Variants in PCDH11X observed in about 807,000 individuals in gnomAD.
The protein encoded by PCDH11X is protocadherin-11 X-linked.
A neutral mutation model predicts 53.3 loss-of-function variants in PCDH11X; 18 were observed. The ratio of observed to expected loss-of-function variants is 0.34; its 90% CI spans 0.23 to 0.50. The LOEUF (loss-of-function observed/expected upper bound fraction) is 0.50, where lower values mean the gene tolerates loss of function less well. Among genes scored for constraint, PCDH11X ranks in the 20% least tolerant of loss-of-function variants. The pLI is 0.98. For missense variants in PCDH11X, 570 were observed against 1,032.4 expected (o/e 0.55, Z 6.14); for synonymous variants, 279 against 393.3 (o/e 0.71, Z 3.44).
intron 8 of PCDH11X, among the ~76,000 whole-genome samples, chrX:92,289,448 T>A (rs1212180757): frequency 8.9e-6 from 1 of 112,097 alleles, no homozygotes; most frequent in African/African-American, 3.2e-5. Flanking sequence ...TGTATTTTCA[T>A]GATTTAAATG....
rs767706059 is a variant in PCDH11X at position 92,546,522 on chromosome X, A to C, written c.3368-71742A>C. On this transcript the variant is annotated intron_variant, in intron 10 of 10. Coordinates refer to ENST00000682573, the MANE Select transcript of PCDH11X (RefSeq NM_032968.5). ...CTCATTTTGAGAATGGATAGCAAAA[A>C]AATTGAAATCTCATATGTTAATGCA... Among the ~76,000 whole-genome samples the C allele has an allele frequency of 1.9e-4, 21 of 110,617 alleles. 2 individuals are homozygous for C. The highest frequency in any genetic ancestry group is 6.7e-4 in the African/African-American group (20 of 29,767).
In PCDH11X at chrX:92,515,454, G is replaced by A. The variant is rs1027527464; in HGVS notation, c.3367+47132G>A. The A allele has an allele frequency of 3.0e-5, 10 of 334,338 alleles. No individual in the cohort carries two copies. The South Asian group carries it at 3.9e-4, about 13-fold the overall frequency. 27.6% of individuals were successfully genotyped at this position (334,338 alleles called of 1,213,427 possible). On this transcript the variant is annotated intron_variant, in intron 10 of 10. Transcript: ENST00000682573. ...CCGGTAGGCGTCATTCAGGTTCTGC[G>A]GCTTGGTGATCAGCCACTGGGTGTC...
chrX:92,115,796 G>A (rs183940319), intron 6 of PCDH11X, among the ~76,000 whole-genome samples: 6 of 109,206 alleles, frequency 5.5e-5, no homozygotes, highest in East Asian at 5.8e-4. Context: ...TTCTAGCTGC[G>A]CTGGCAGGTG....
intron 8 of PCDH11X, among the ~76,000 whole-genome samples, chrX:92,377,386 C>T (rs1277660426): frequency 2.7e-5 from 3 of 110,401 alleles, no homozygotes; most frequent in Non-Finnish European, 5.7e-5. Context: ...TCCTTCAATG[C>T]CATGAGATTC....
intron 10 of PCDH11X, among the ~76,000 whole-genome samples, chrX:92,512,403 A>G (rs2074178196): frequency 8.9e-6 from 1 of 111,817 alleles, no homozygotes; most frequent in Non-Finnish European, 1.9e-5. Context: ...ACATAATATA[A>G]TGATAATAAA....
Position 91,930,471 on chromosome X carries a change from G to GA in PCDH11X, c.3033+51211dup, listed in dbSNP as rs755108314. On this transcript the variant is annotated intron_variant, in intron 6 of 10. Coordinates refer to ENST00000682573, the MANE Select transcript of PCDH11X (RefSeq NM_032968.5). ...AGATTTTTGGCAGAAAAGAGTAAGA[G>GA]AAAAAAAAAAAAAGAGGTCCTCTCC... 3.0e-3 allele frequency among the ~76,000 whole-genome samples: 171 copies of GA among 57,836 alleles called. 3 individuals carry two copies. The South Asian group carries it at 0.062, about 21-fold the overall frequency. 50.2% of individuals were successfully genotyped at this position (57,836 alleles called of 115,157 possible).
chrX:92,224,815 C>A (rs781193296), intron 7 of PCDH11X, among the ~76,000 whole-genome samples: 1 of 112,203 alleles, frequency 8.9e-6, no homozygotes, highest in Non-Finnish European at 1.9e-5. Flanking sequence ...ACAACTATAG[C>A]AACCTTTTAA....
At chrX:92,345,660 T>C (rs192704132) in intron 8 of PCDH11X, among the ~76,000 whole-genome samples, 27 of 111,806 alleles carry the variant, frequency 2.4e-4, no homozygotes, top group Non-Finnish European at 4.7e-4. Context: ...AAAAAAATTG[T>C]TTTATAAAAT....
chrX:92,452,049 T>G (rs2072793755), intron 9 of PCDH11X, among the ~76,000 whole-genome samples: 1 of 109,526 alleles, frequency 9.1e-6, no homozygotes, highest in South Asian at 3.9e-4. Context: ...TATTGTATAT[T>G]AATATTATCT....
At position 92,047,053 on chromosome X, in the gene PCDH11X, A is replaced by G. The variant is rs772078399; in HGVS notation, c.3034-154322A>G. Among the ~76,000 whole-genome samples the G allele has an allele frequency of 3.8e-4, 31 of 80,746 alleles. No homozygotes were observed. In the South Asian group the frequency reaches 0.017, roughly 45 times the overall value. 70.1% of individuals were successfully genotyped at this position (80,746 alleles called of 115,157 possible). On this transcript the variant is annotated intron_variant, in intron 6 of 10. Coordinates refer to ENST00000682573, the MANE Select transcript of PCDH11X (RefSeq NM_032968.5). ...ATGAAAAAATAAAATCTAAAATACAAAAGGGGCAAAGAGCAATGGTTTATT... is the reference window on the plus strand; with the variant it reads ...ATGAAAAAATAAAATCTAAAATACAGAAGGGGCAAAGAGCAATGGTTTATT...
intron 6 of PCDH11X, among the ~76,000 whole-genome samples, chrX:92,131,870 GTTA>G (rs1380488294): frequency 7.4e-5 from 8 of 108,332 alleles, no homozygotes; most frequent in Middle Eastern, 4.7e-3. Context: ...GAATTCCTTT[GTTA>G]TTTTGTCATG....
intron 6 of PCDH11X, among the ~76,000 whole-genome samples, chrX:91,939,533 G>T (rs933968609): frequency 1.0e-4 from 11 of 108,905 alleles, no homozygotes; most frequent in African/African-American, 3.7e-4. Context: ...GAAGAAAACT[G>T]CACCCATTAC....
intron 6 of PCDH11X, among the ~76,000 whole-genome samples, chrX:92,103,326 G>A (rs1049826716): frequency 1.7e-4 from 19 of 111,034 alleles, no homozygotes; most frequent in African/African-American, 5.3e-4. Context: ...AAGCCTGGCT[G>A]TCAATACCCA....
At position 92,031,075 on chromosome X, in the gene PCDH11X, G is replaced by A. The variant is rs774300754; in HGVS notation, c.3033+151802G>A. On this transcript the variant is annotated intron_variant, in intron 6 of 10. Coordinates refer to ENST00000682573, the MANE Select transcript of PCDH11X (RefSeq NM_032968.5). ...AGGAACCTCCAAACTTTTCTCCATAGTGGTTGTACTAATTTACATTCCCAC... is the reference window on the plus strand; with the variant it reads ...AGGAACCTCCAAACTTTTCTCCATAATGGTTGTACTAATTTACATTCCCAC... 3.6e-5 allele frequency among the ~76,000 whole-genome samples: 4 copies of A among 111,305 alleles called. No individual in the cohort carries two copies. In the South Asian group the frequency reaches 1.5e-3, roughly 42 times the overall value.
rs750683000 is a variant in PCDH11X at position 91,994,575 on chromosome X, C to T, written c.3033+115302C>T. 2.9e-3 allele frequency among the ~76,000 whole-genome samples: 276 copies of T among 96,524 alleles called. 4 individuals carry two copies. Among genetic ancestry groups the T allele is most frequent in the African/African-American group, 0.011 (260 of 23,869 alleles). 83.8% of individuals were successfully genotyped at this position (96,524 alleles called of 115,157 possible). A position where few individuals can be genotyped will look rare whatever the true frequency, so the allele number is the denominator to read the frequency against. On this transcript the variant is annotated intron_variant, in intron 6 of 10. Coordinates refer to ENST00000682573, the MANE Select transcript of PCDH11X (RefSeq NM_032968.5). ...ATGGACACTTAGGTTGCTTCCATAT[C>T]TTGGCTATTGTGAATAATGCTGCAA...
At chrX:92,132,812 T>C (rs771646944) in intron 6 of PCDH11X, among the ~76,000 whole-genome samples, 95 of 106,793 alleles carry the variant, frequency 8.9e-4, no homozygotes, top group African/African-American at 2.8e-3. Context: ...AATTTTTCTT[T>C]AATTTTCAGC....
intron 6 of PCDH11X, among the ~76,000 whole-genome samples, chrX:92,030,601 T>G (rs780578414): frequency 9.1e-6 from 1 of 109,498 alleles, no homozygotes; most frequent in East Asian, 2.9e-4. Context: ...TTCTATTTTA[T>G]TTTTTACCCA....
intron 7 of PCDH11X, among the ~76,000 whole-genome samples, chrX:92,258,889 A>C (rs188937172): frequency 2.2e-4 from 25 of 111,705 alleles, no homozygotes; most frequent in African/African-American, 8.1e-4. Context: ...CTGCTTAGAA[A>C]TCTCTTTTCC....
At chrX:92,099,246 G>A (rs1256529647) in intron 6 of PCDH11X, among the ~76,000 whole-genome samples, 1 of 108,867 alleles carries the variant, frequency 9.2e-6, no homozygotes, top group Non-Finnish European at 1.9e-5. Context: ...CTGAAAGTCT[G>A]TATTTGCGTG....
Sources: allele counts gnomAD v4.1 joint callset (sites outside exome capture counted in the v4.1 genomes callset), GRCh38; gene constraint gnomAD v4.1.1; transcripts MANE v1.5; gene names NCBI Gene and HGNC (gene_info 2026-07-23, HGNC 2026-07-21).